Variants in FOLH1 observed in about 807,000 individuals in gnomAD.
FOLH1 encodes the protein folate hydrolase 1.
Under a neutral mutation model 93.9 loss-of-function variants are expected in FOLH1, and 54 were observed. The observed-to-expected ratio is 0.57, with a 90% CI of 0.46 to 0.72. The LOEUF (loss-of-function observed/expected upper bound fraction) is 0.72, where lower values mean the gene tolerates loss of function less well. FOLH1 is among the 30% of genes least tolerant of loss of function. The probability of loss-of-function intolerance (pLI) is 0.00; values close to 1 mark genes in which losing one functional copy is unlikely to be tolerated. For synonymous variants in FOLH1, 249 were observed against 303.6 expected (o/e 0.82, Z 1.87); for missense variants, 571 against 892.5 (o/e 0.64, Z 4.59).
rs1860437119 is a variant in FOLH1, at chr11:49,179,155, G to T, written c.921-3198C>A. Among the ~76,000 whole-genome samples the T allele has an allele frequency of 2.0e-5, 3 of 152,178 alleles. 1 individual carries two copies. The South Asian group carries it at 6.2e-4, about 31-fold the overall frequency. On this transcript the variant is annotated intron_variant, in intron 7 of 18. Coordinates refer to ENST00000256999, the MANE Select transcript of FOLH1 (RefSeq NM_004476.3). The stretch of plus-strand genomic sequence containing the variant: ...GATTTTAAAGATGAATAAGGGCCGG[G>T]CATGGAAAAATGAGGGCGAAGAGCC...
At chr11:49,202,261 A>G (rs1863332190) in intron 2 of FOLH1, among the ~76,000 whole-genome samples, 1 of 152,214 alleles carries the variant, frequency 6.6e-6, no homozygotes, top group South Asian at 2.1e-4. Flanking sequence ...AAGTTGTTGA[A>G]CCTACCAGAA....
rs896159335 is a variant in FOLH1, at chr11:49,145,719, T to G, written c.*1037A>C. 9.2e-5 allele frequency among the ~76,000 whole-genome samples: 14 copies of G among 152,186 alleles called. No homozygotes were observed. Among genetic ancestry groups the G allele is most frequent in the Non-Finnish European group, 1.8e-4 (12 of 68,022 alleles). Reference sequence around the variant, plus strand: ...ATTCCTTACATCTGCTCATCACATATTCTTGAGACTTCTCTTTACATATTA... The same window carrying G: ...ATTCCTTACATCTGCTCATCACATAGTCTTGAGACTTCTCTTTACATATTA... On this transcript the variant is annotated 3_prime_UTR_variant, in exon 19 of 19. Coordinates refer to ENST00000256999, the MANE Select transcript of FOLH1 (RefSeq NM_004476.3).
intron 5 of FOLH1, 145 bp from the exon 6 acceptor site, chr11:49,186,000 G>T: frequency 9.1e-7 from 1 of 1,097,346 alleles, no homozygotes; most frequent in Non-Finnish European, 1.2e-6. Flanking sequence ...GGACATCTCG[G>T]ATAGAATTTC....
At chr11:49,174,857 T>A in intron 9 of FOLH1, 35 bp downstream of exon 9, 2 of 1,511,830 alleles carry the variant, frequency 1.3e-6, no homozygotes, top group Non-Finnish European at 1.8e-6. Context: ...TAACAGTTAC[T>A]TGATCAATAT....
At chr11:49,177,785 TAAAA>T in intron 7 of FOLH1, among the ~76,000 whole-genome samples, 1 of 104,080 alleles carries the variant, frequency 9.6e-6, no homozygotes, top group African/African-American at 4.2e-5. Context: ...CCGTCTCTAC[TAAAA>T]AAAAAAAAAA....
chr11:49,207,216 G>A (rs927428219), intron 1 of FOLH1, among the ~76,000 whole-genome samples: 2 of 151,946 alleles, frequency 1.3e-5, no homozygotes, highest in African/African-American at 2.4e-5. Context: ...GGGGAGGGGA[G>A]AGCAGAGAAT....
chr11:49,158,799 T>C (rs941391988), intron 13 of FOLH1, among the ~76,000 whole-genome samples: 3 of 152,206 alleles, frequency 2.0e-5, no homozygotes, highest in African/African-American at 7.2e-5. Context: ...ATGTCATCTC[T>C]GATTTCTTAG....
intron 12 of FOLH1, among the ~76,000 whole-genome samples, chr11:49,166,098 T>C (rs1330747498): frequency 1.3e-5 from 2 of 152,212 alleles, no homozygotes; most frequent in Admixed American, 6.5e-5. Flanking sequence ...ATTTGTCCTA[T>C]TGAATACATT....
At chr11:49,179,329 C>T (rs383406) in intron 7 of FOLH1, among the ~76,000 whole-genome samples, 151,333 of 152,340 alleles carry the variant, frequency 0.99, 75,182 homozygotes, top group Middle Eastern at 1. Context: ...TAATAAATCA[C>T]GTCTGTAAAA....
In FOLH1 at chr11:49,200,439, T is replaced by C; in HGVS notation, c.227A>G (p.Asn76Ser). 2.5e-6 allele frequency: 4 copies of C among 1,612,358 alleles called. No individual in the cohort carries two copies. The highest frequency in any genetic ancestry group is 3.4e-6 in the Non-Finnish European group (4 of 1,179,454). ...TGCTAAATGTGGTATCTGTGTAAAA[T>C]TACTGGTGAACAAAAATTGAAAGTG... Reference protein sequence around the residue: ...KAENIKKFLYNFTQIPHLAGT... With the variant: ...KAENIKKFLYSFTQIPHLAGT... Residue 76 changes from asparagine to serine, a missense_variant and splice_region_variant, in exon 3 of 19, where the codon AAT becomes AGT. This residue lies in a region of FOLH1 where 500 missense variants were observed against 822.9 expected (regional missense o/e 0.61). Coordinates refer to ENST00000256999, the MANE Select transcript of FOLH1 (RefSeq NM_004476.3).
rs567082334 is a variant in FOLH1 at position 49,153,804 on chromosome 11, T to C, written c.1970+42A>G. The C allele has an allele frequency of 4.8e-5, 61 of 1,266,676 alleles. No homozygotes were observed. The South Asian group carries it at 5.6e-4, about 12-fold the overall frequency. The allele number at this position is 1,266,676 out of a possible 1,614,324, so 78.5% of individuals were successfully genotyped here. A position where few individuals can be genotyped will look rare whatever the true frequency, so the allele number is the denominator to read the frequency against. On this transcript the variant is annotated intron_variant, in intron 17 of 18. Coordinates refer to ENST00000256999, the MANE Select transcript of FOLH1 (RefSeq NM_004476.3). ...TAGTTTACTTTTAAATATATATATA[T>C]ACACACACATACACACATATGCACA...
At chr11:49,185,557 T>C (rs893862285) in intron 6 of FOLH1, 112 bp downstream of exon 6, 16 of 1,322,854 alleles carry the variant, frequency 1.2e-5, no homozygotes, top group Non-Finnish European at 1.6e-5. Flanking sequence ...CATTCTTAAA[T>C]GCAAAGAGAA....
chr11:49,208,014 C>T, intron 1 of FOLH1: 1 of 655,154 alleles, frequency 1.5e-6, no homozygotes, highest in Non-Finnish European at 2.8e-6. Context: ...AGGGCTCCAG[C>T]ACTTGGAACC....
chr11:49,181,392 G>A (rs1334139329), intron 7 of FOLH1, among the ~76,000 whole-genome samples: 2 of 151,986 alleles, frequency 1.3e-5, no homozygotes, highest in East Asian at 1.9e-4. Context: ...TTACAAGTGT[G>A]AGCCACCGCG....
chr11:49,161,761 T>C (rs552630531), intron 13 of FOLH1, among the ~76,000 whole-genome samples: 2 of 152,330 alleles, frequency 1.3e-5, no homozygotes, highest in South Asian at 2.1e-4. Context: ...TGGATGGTGA[T>C]AGTCTTTCCT....
At chr11:49,189,645 G>C (rs7119205) in intron 4 of FOLH1, among the ~76,000 whole-genome samples, 14 of 152,184 alleles carry the variant, frequency 9.2e-5, no homozygotes, top group Non-Finnish European at 2.1e-4. Context: ...CTCATGGTAA[G>C]TTGAGAAGTG....
At chr11:49,198,339 G>T (rs1337661770) in intron 3 of FOLH1, among the ~76,000 whole-genome samples, 3 of 151,982 alleles carry the variant, frequency 2.0e-5, no homozygotes, top group African/African-American at 7.2e-5. Context: ...AAAATTAGCC[G>T]GGCGTCGTGG....
At position 49,171,243 on chromosome 11, in the gene FOLH1, G is replaced by T. The variant is rs1323463627; in HGVS notation, c.1260C>A (p.Ser420Arg). The change falls in exon 11 of 19, where the codon AGC becomes AGA. Residue 420 changes from serine to arginine, a missense_variant. Physicochemically the swap from Ser to Arg is moderately radical, Grantham distance 110 (BLOSUM62 -1). Around this residue, in one of 2 missense-constraint regions of FOLH1, gnomAD observed 500 missense variants for 822.9 expected, o/e 0.61. Transcript: ENST00000256999. ...WRPRRTILFA[S>R]WDAEEFGLLG... ...GAAGACCAAATTCTTCTGCATCCCAGCTTGCAAACAAAATTGTTCTTCTAG... is the reference window on the plus strand; with the variant it reads ...GAAGACCAAATTCTTCTGCATCCCATCTTGCAAACAAAATTGTTCTTCTAG... 4 of 1,587,452 alleles carry T rather than the reference G, an allele frequency of 2.5e-6. No individual in the cohort carries two copies. Among genetic ancestry groups the T allele is most frequent in the Admixed American group, 1.8e-5 (1 of 55,448 alleles).
chr11:49,201,449 G>C (rs1863247228), intron 2 of FOLH1, among the ~76,000 whole-genome samples: 1 of 150,726 alleles, frequency 6.6e-6, no homozygotes. Context: ...TTTATTTGAT[G>C]AATCAACAAT....
Sources: allele counts gnomAD v4.1 joint callset (sites outside exome capture counted in the v4.1 genomes callset), GRCh38; gene constraint gnomAD v4.1.1; regional missense constraint gnomAD v4.1.1; transcripts MANE v1.5; gene names NCBI Gene and HGNC (gene_info 2026-07-23, HGNC 2026-07-21).